ADAMTS16: variants seen among roughly 807,000 people sequenced by gnomAD.
ADAMTS16 encodes the protein ADAM metallopeptidase with thrombospondin type 1 motif 16, also known as A disintegrin and metalloproteinase with thrombospondin motifs 16.
ADAMTS16 carries 94 observed loss-of-function variants against 145.8 expected under a neutral mutation model. That is an observed-to-expected ratio of 0.64 (90% CI 0.55 to 0.77). The LOEUF (loss-of-function observed/expected upper bound fraction) is 0.77, where lower values mean the gene tolerates loss of function less well. ADAMTS16 is among the 30% of genes least tolerant of loss of function. The pLI, the probability that ADAMTS16 is intolerant of heterozygous loss-of-function variation, is 0.00. For missense variants in ADAMTS16, 1,585 were observed against 1,591.5 expected, an observed-to-expected ratio of 1.00 and a Z score of 0.07; for synonymous variants, 659 against 604.3, an observed-to-expected ratio of 1.09 and a Z score of -1.33.
intron 18 of ADAMTS16, among the ~76,000 whole-genome samples, chr5:5,270,578 A>G (rs1229495266): frequency 1.3e-5 from 2 of 152,240 alleles, no homozygotes; most frequent in Non-Finnish European, 2.9e-5. Context: ...TATAAAGCAA[A>G]ACTATCCATG....
At chr5:5,286,839 T>C (rs893358937) in intron 18 of ADAMTS16, among the ~76,000 whole-genome samples, 8 of 117,578 alleles carry the variant, frequency 6.8e-5, no homozygotes, top group African/African-American at 2.8e-4. Context: ...GCCTGGGCGA[T>C]GGAGCAAGAC....
chr5:5,301,854 A>T (rs1375918911), intron 18 of ADAMTS16, among the ~76,000 whole-genome samples: 1 of 152,218 alleles, frequency 6.6e-6, no homozygotes, highest in African/African-American at 2.4e-5. Flanking sequence ...CAGCACAGAC[A>T]CAGCTGCAGG....
rs149128842 is a variant in ADAMTS16, at chr5:5,268,396, G to A, written c.2789+5613G>A. On this transcript the variant is annotated intron_variant, in intron 18 of 22. Transcript: ENST00000274181. ...ACTCACCGTACGTAGCACTGCAGAC[G>A]AAGGTCTCATCAGACGCTCGGTCAC... is the stretch of plus-strand genomic sequence containing the variant. Among the ~76,000 whole-genome samples the A allele has an allele frequency of 3.3e-3, 498 of 152,264 alleles. 3 individuals carry two copies. The highest frequency in any genetic ancestry group is 0.02 in the Middle Eastern group (6 of 294).
chr5:5,212,208 TGTTTTG>T (rs556796050), intron 10 of ADAMTS16, among the ~76,000 whole-genome samples: 2,455 of 105,442 alleles, frequency 0.023, 128 homozygotes, highest in Admixed American at 0.1. Flanking sequence ...TGTTTTGTTT[TGTTTTG>T]TTTTTTTTTT....
chr5:5,255,042 T>C (rs948698812), intron 17 of ADAMTS16, among the ~76,000 whole-genome samples: 2 of 152,186 alleles, frequency 1.3e-5, no homozygotes, highest in Non-Finnish European at 2.9e-5. Context: ...GTAATTGGAC[T>C]ACTTAGATTG....
At chr5:5,167,385 G>A (rs958856838) in intron 3 of ADAMTS16, among the ~76,000 whole-genome samples, 16 of 152,176 alleles carry the variant, frequency 1.1e-4, no homozygotes, top group African/African-American at 3.9e-4. Context: ...GGTATCTTAT[G>A]TCCCAGGAAT....
At chr5:5,239,555 A>G (rs1579333736) in intron 15 of ADAMTS16, 126 bp from the exon 16 acceptor site, 1 of 1,379,210 alleles carries the variant, frequency 7.3e-7, no homozygotes, top group East Asian at 2.3e-5. Flanking sequence ...GATCACCAGA[A>G]CACGTCTTCA....
chr5:5,220,779 G>A (rs1272837430), intron 10 of ADAMTS16, among the ~76,000 whole-genome samples: 2 of 151,996 alleles, frequency 1.3e-5, no homozygotes, highest in Admixed American at 1.3e-4. Context: ...GGTCCTGCCT[G>A]CCCACATCTG....
chr5:5,232,108 G>A (rs1156841117), intron 11 of ADAMTS16, among the ~76,000 whole-genome samples: 1 of 152,104 alleles, frequency 6.6e-6, no homozygotes, highest in African/African-American at 2.4e-5. Context: ...CAAGTTTCCG[G>A]GAGATCAGAC....
intron 3 of ADAMTS16, among the ~76,000 whole-genome samples, chr5:5,150,863 A>G (rs957259282): frequency 6.6e-6 from 1 of 152,240 alleles, no homozygotes; most frequent in Non-Finnish European, 1.5e-5. Flanking sequence ...TCTGGTGAGA[A>G]GTCAACTGTT....
At chr5:5,183,147 C>T (rs915852630) in intron 4 of ADAMTS16, among the ~76,000 whole-genome samples, 5 of 152,230 alleles carry the variant, frequency 3.3e-5, no homozygotes, top group Non-Finnish European at 7.3e-5. Flanking sequence ...GTCCTCTGAA[C>T]CCCTTTCGTC....
At chr5:5,216,332 G>T (rs1001520766) in intron 10 of ADAMTS16, among the ~76,000 whole-genome samples, 4 of 151,736 alleles carry the variant, frequency 2.6e-5, no homozygotes, top group Non-Finnish European at 5.9e-5. Flanking sequence ...TTGGCCATTT[G>T]TATATCTTCT....
chr5:5,218,134 A>T (rs977451618), intron 10 of ADAMTS16, among the ~76,000 whole-genome samples: 2 of 152,246 alleles, frequency 1.3e-5, no homozygotes, highest in Non-Finnish European at 2.9e-5. Flanking sequence ...ATGGTATGTT[A>T]TGTACCATAA....
rs187424782 is a variant in ADAMTS16, at chr5:5,244,159, G to A, written c.2662+1968G>A. The stretch of plus-strand genomic sequence containing the variant: ...AAGACTCAGAACCTAATCAAGGCAT[G>A]CTGTCACTGCCCATGTGTGTATCAT... On this transcript the variant is annotated intron_variant, in intron 17 of 22. Coordinates refer to ENST00000274181, the MANE Select transcript of ADAMTS16 (RefSeq NM_139056.4). Among the ~76,000 whole-genome samples the A allele has an allele frequency of 7.2e-5, 11 of 152,262 alleles. No homozygotes were observed. In the East Asian group the frequency reaches 2.1e-3, roughly 29 times the overall value.
chr5:5,169,519 A>G (rs1246740900), intron 3 of ADAMTS16, among the ~76,000 whole-genome samples: 1 of 152,110 alleles, frequency 6.6e-6, no homozygotes, highest in Non-Finnish European at 1.5e-5. Context: ...TGGCTTCTGT[A>G]TTATCACCTT....
At chr5:5,253,181 T>C (rs1029468088) in intron 17 of ADAMTS16, among the ~76,000 whole-genome samples, 5 of 152,228 alleles carry the variant, frequency 3.3e-5, no homozygotes, top group Admixed American at 1.3e-4. Context: ...GACACTCCTA[T>C]GACACAGCCT....
intron 3 of ADAMTS16, among the ~76,000 whole-genome samples, chr5:5,149,151 A>G (rs1320069008): frequency 1.3e-5 from 2 of 152,226 alleles, no homozygotes; most frequent in East Asian, 3.8e-4. Context: ...TGGGATCTGT[A>G]AACCCTAAAA....
intron 18 of ADAMTS16, among the ~76,000 whole-genome samples, chr5:5,272,303 A>G (rs116820823): frequency 0.031 from 4,703 of 151,586 alleles, 126 homozygotes; most frequent in East Asian, 0.13. Flanking sequence ...CTCCCTGCTC[A>G]GAGGAGCCTC....
intron 17 of ADAMTS16, among the ~76,000 whole-genome samples, chr5:5,258,712 G>T (rs142355639): frequency 6.6e-6 from 1 of 152,118 alleles, no homozygotes; most frequent in Non-Finnish European, 1.5e-5. Context: ...GAGGTTGCAG[G>T]GCAGGGTCAC....
Sources: gnomAD v4.1 joint callset for allele counts (sites outside exome capture counted in the v4.1 genomes callset) on GRCh38, gnomAD v4.1.1 for gene constraint, MANE v1.5 for transcripts, NCBI Gene and HGNC (gene_info 2026-07-23, HGNC 2026-07-21) for gene names.